The following PRMT8 variants were observed in gnomAD, a reference collection of about 807,000 sequenced individuals.
PRMT8 encodes the protein protein arginine N-methyltransferase 8.
In PRMT8, 7 loss-of-function variants were observed where a neutral mutation model predicts 47.1. The ratio of observed to expected loss-of-function variants is 0.15; its 90% CI spans 0.08 to 0.28. The LOEUF is 0.28. Among genes scored for constraint, PRMT8 ranks in the 10% least tolerant of loss-of-function variants. The pLI, the probability that PRMT8 is intolerant of heterozygous loss-of-function variation, is 1.00. For synonymous variants in PRMT8, 188 were observed against 186.5 expected, an observed-to-expected ratio of 1.01 and a Z score of -0.07; for missense variants, 237 against 505.4, an observed-to-expected ratio of 0.47 and a Z score of 5.09.
rs1866872799 is a variant in PRMT8 at position 3,572,831 on chromosome 12, G to A, written c.712+3267G>A. On this transcript the variant is annotated intron_variant, in intron 6 of 9. Transcript: ENST00000382622. This position sits in a 1 kb window ranked among gnomAD's most constrained non-coding sequence, Gnocchi z 5.9. The stretch of plus-strand genomic sequence containing the variant: ...AGATGGTTGGGGCTGGGGTGGTGAG[G>A]GAGGATGTAGCTACAGCTCTCTGCA... 6.6e-6 allele frequency among the ~76,000 whole-genome samples: 1 copy of A among 152,170 alleles called. No individual in the cohort carries two copies. The highest frequency in any genetic ancestry group is 2.4e-5 in the African/African-American group (1 of 41,434).
chr12:3,458,803 A>G (rs1865004593), intron 1 of PRMT8, among the ~76,000 whole-genome samples: 1 of 152,122 alleles, frequency 6.6e-6, no homozygotes, highest in Non-Finnish European at 1.5e-5. Flanking sequence ...TGGCCAGTGG[A>G]TAGACACTCC....
intron 1 of PRMT8, among the ~76,000 whole-genome samples, chr12:3,496,214 A>ATATATATATATATATATATTTTTTTTTTT: frequency 3.6e-5 from 1 of 27,772 alleles, no homozygotes; most frequent in African/African-American, 8.8e-5. Flanking sequence ...ATATATATAT[A>ATATATATATATATATATATTTTTTTTTTT]TTTTTTTTTT....
chr12:3,423,188 A>G (rs1864562780), intron 1 of PRMT8, among the ~76,000 whole-genome samples: 1 of 152,198 alleles, frequency 6.6e-6, no homozygotes, highest in Non-Finnish European at 1.5e-5. Flanking sequence ...GTCTTCAACT[A>G]CTTGCCCTGG....
intron 1 of PRMT8, 88 bp downstream of exon 1, chr12:3,491,788 A>C: frequency 6.9e-7 from 1 of 1,456,968 alleles, no homozygotes; most frequent in East Asian, 2.7e-5. Flanking sequence ...GCCGAGTGCC[A>C]AACTTTCCCC....
At chr12:3,479,838 A>G (rs188690368) in intron 1 of PRMT8, among the ~76,000 whole-genome samples, 1 of 126,646 alleles carries the variant, frequency 7.9e-6, no homozygotes, top group Non-Finnish European at 1.7e-5. Context: ...TGTTAGTGTC[A>G]GTTTCTACTC....
At chr12:3,417,885 A>T (rs1864499827) in intron 1 of PRMT8, among the ~76,000 whole-genome samples, 2 of 152,194 alleles carry the variant, frequency 1.3e-5, no homozygotes, top group South Asian at 4.2e-4. Context: ...CCTGATTTGA[A>T]GCCACCTGCC....
intron 1 of PRMT8, among the ~76,000 whole-genome samples, chr12:3,472,140 C>T (rs897825336): frequency 6.6e-6 from 1 of 152,058 alleles, no homozygotes; most frequent in Non-Finnish European, 1.5e-5. Flanking sequence ...CAATGTCAGG[C>T]GGTTCTGTAA....
chr12:3,573,654 T>C (rs990397648), intron 6 of PRMT8, among the ~76,000 whole-genome samples: 1 of 152,236 alleles, frequency 6.6e-6, no homozygotes, highest in African/African-American at 2.4e-5. Context: ...AGGGTGTGTG[T>C]GAGTCAATCT....
chr12:3,468,621 A>C (rs1052274794), intron 1 of PRMT8, among the ~76,000 whole-genome samples: 2 of 152,216 alleles, frequency 1.3e-5, no homozygotes, highest in African/African-American at 4.8e-5. Flanking sequence ...GAGACTCAAA[A>C]TAGAGAATAG....
chr12:3,569,071 G>A lies in PRMT8; in HGVS notation c.624+223G>A, dbSNP rs571977526. Among the ~76,000 whole-genome samples the A allele has an allele frequency of 5.4e-4, 82 of 152,184 alleles. No individual in the cohort carries two copies. In the South Asian group the frequency reaches 7.7e-3, roughly 14 times the overall value. On this transcript the variant is annotated intron_variant, in intron 5 of 9. Transcript: ENST00000382622. The surrounding 1 kb of genome is among the most constrained non-coding windows in gnomAD (Gnocchi z 8.2). Reference sequence around the variant, plus strand: ...AGAGTGGACTTCCGTGGGTCTCACCGCAGCCTCTTTTGCAATAACAGACAT... The same window carrying A: ...AGAGTGGACTTCCGTGGGTCTCACCACAGCCTCTTTTGCAATAACAGACAT...
intron 1 of PRMT8, among the ~76,000 whole-genome samples, chr12:3,455,368 T>C (rs961683048): frequency 6.6e-6 from 1 of 152,068 alleles, no homozygotes; most frequent in Non-Finnish European, 1.5e-5. Flanking sequence ...AGCCTGGGCT[T>C]GGGGTGTGGA....
intron 8 of PRMT8, among the ~76,000 whole-genome samples, chr12:3,586,242 G>A (rs969205946): frequency 2.0e-5 from 3 of 152,124 alleles, no homozygotes; most frequent in Non-Finnish European, 4.4e-5. Context: ...GAGGAGCCTG[G>A]ATTAAGCTCA....
chr12:3,510,519 TATGA>T (rs1439870939), intron 1 of PRMT8, among the ~76,000 whole-genome samples: 1 of 152,206 alleles, frequency 6.6e-6, no homozygotes, highest in East Asian at 1.9e-4. Context: ...CTATATTCCC[TATGA>T]ATATGTACAG....
At chr12:3,587,469 CA>C (rs1383372421) in intron 8 of PRMT8, among the ~76,000 whole-genome samples, 2 of 151,878 alleles carry the variant, frequency 1.3e-5, no homozygotes, top group African/African-American at 4.8e-5. Context: ...AAATGTAAAT[CA>C]ATTAATGCAT....
chr12:3,433,860 T>C (rs533078268), intron 1 of PRMT8, among the ~76,000 whole-genome samples: 1 of 152,308 alleles, frequency 6.6e-6, no homozygotes, highest in South Asian at 2.1e-4. Context: ...TGCCTCAGCC[T>C]CCCGAAGTGC....
intron 6 of PRMT8, among the ~76,000 whole-genome samples, chr12:3,573,663 C>T (rs914623867): frequency 6.6e-6 from 1 of 152,176 alleles, no homozygotes. Flanking sequence ...GTGAGTCAAT[C>T]TAGTCTGTAT....
intron 1 of PRMT8, among the ~76,000 whole-genome samples, chr12:3,393,044 C>A (rs1415736104): frequency 6.6e-6 from 1 of 152,134 alleles, no homozygotes; most frequent in Non-Finnish European, 1.5e-5. Flanking sequence ...CCTTCACCCA[C>A]TTTTTGATGG....
chr12:3,417,502 G>GCATC (rs1864495663), intron 1 of PRMT8, among the ~76,000 whole-genome samples: 1 of 152,226 alleles, frequency 6.6e-6, no homozygotes, highest in Non-Finnish European at 1.5e-5. Flanking sequence ...CTTTTAAAAG[G>GCATC]CATCCAAAGC....
intron 1 of PRMT8, among the ~76,000 whole-genome samples, chr12:3,527,911 A>G (rs1865971215): frequency 6.6e-6 from 1 of 152,140 alleles, no homozygotes; most frequent in African/African-American, 2.4e-5. Flanking sequence ...TTCACTGGGT[A>G]TAGAATTCTA....
Sources: gnomAD v4.1 joint callset for allele counts (sites outside exome capture counted in the v4.1 genomes callset) on GRCh38, gnomAD v4.1.1 for gene constraint, Gnocchi (gnomAD v3.1) non-coding constraint, MANE v1.5 for transcripts, NCBI Gene and HGNC (gene_info 2026-07-23, HGNC 2026-07-21) for gene names.